EYA3: variants seen among roughly 807,000 people sequenced by gnomAD.
EYA3 encodes EYA transcriptional coactivator and phosphatase 3, also known as protein phosphatase EYA3.
A neutral mutation model predicts 80.0 loss-of-function variants in EYA3; 39 were observed. That is an observed-to-expected ratio of 0.49 (90% CI 0.38 to 0.64). The LOEUF is 0.64. Among genes scored for constraint, EYA3 ranks in the 30% least tolerant of loss-of-function variants. The pLI is 0.00. For synonymous variants in EYA3, 206 were observed against 232.8 expected (o/e 0.88, Z 1.05); for missense variants, 523 against 676.1 (o/e 0.77, Z 2.51).
At chr1:27,974,681 G>A (rs1363572350) in intron 17 of EYA3, 135 bp from the exon 18 acceptor site, 4 of 604,922 alleles carry the variant, frequency 6.6e-6, no homozygotes, top group Non-Finnish European at 1.2e-5. Context: ...TCATAGGGCT[G>A]TTATAATGAT....
At chr1:28,087,575 C>G (rs1645703127) in intron 1 of EYA3, among the ~76,000 whole-genome samples, 1 of 152,202 alleles carries the variant, frequency 6.6e-6, no homozygotes, top group African/African-American at 2.4e-5. Flanking sequence ...ATTCATAAAT[C>G]TGGGGCTAAT....
intron 1 of EYA3, among the ~76,000 whole-genome samples, chr1:28,061,591 G>GA (rs1553155322): frequency 1.9e-4 from 27 of 144,946 alleles, no homozygotes; most frequent in African/African-American, 6.6e-4. Context: ...AATTTAACGT[G>GA]TTTTTTTTTT....
At chr1:27,984,993 G>T (rs1639554465) in intron 16 of EYA3, among the ~76,000 whole-genome samples, 1 of 151,976 alleles carries the variant, frequency 6.6e-6, no homozygotes, top group African/African-American at 2.4e-5. Flanking sequence ...TTCCAATTAG[G>T]GTTTAATCCC....
chr1:27,975,769 C>A (rs1479849724), intron 17 of EYA3, among the ~76,000 whole-genome samples: 1 of 151,884 alleles, frequency 6.6e-6, no homozygotes, highest in Non-Finnish European at 1.5e-5. Flanking sequence ...CAGGCGTGAG[C>A]CACCGTGCCC....
rs1638843653 is a variant in EYA3 at position 27,974,499 on chromosome 1, G to T, written c.1689C>A (p.Ser563=). 1.2e-6 allele frequency: 2 copies of T among 1,612,908 alleles called. No homozygotes were observed. The highest frequency in any genetic ancestry group is 2.2e-5 in the South Asian group (2 of 91,056). Residue 563 remains serine, a synonymous_variant, in exon 18 of 18, where the codon TCC becomes TCA. Transcript: ENST00000373871. ...AATCAAGCTCTAAAGCCTGGTGAAG[G>T]GATACTAGGTCTCCATGGTTTGTGA... ...WRITNHGDLV[S]LHQALELDFL
chr1:28,076,226 G>T (rs967177298), intron 1 of EYA3, among the ~76,000 whole-genome samples: 3 of 152,180 alleles, frequency 2.0e-5, no homozygotes, highest in African/African-American at 7.2e-5. Context: ...TAAATTTGGT[G>T]AATTCTTCTG....
chr1:28,003,961 T>C (rs1641084233), intron 11 of EYA3, among the ~76,000 whole-genome samples: 1 of 152,224 alleles, frequency 6.6e-6, no homozygotes, highest in Admixed American at 6.5e-5. Context: ...CTAAATAAAA[T>C]GCTCAATTTG....
chr1:28,027,437 A>G (rs945316018), intron 7 of EYA3, among the ~76,000 whole-genome samples: 11 of 152,334 alleles, frequency 7.2e-5, no homozygotes, highest in African/African-American at 2.4e-4. Flanking sequence ...CAATTCATAC[A>G]GGTCAGCAAA....
At chr1:28,082,037 A>G (rs72658369) in intron 1 of EYA3, among the ~76,000 whole-genome samples, 1 of 152,300 alleles carries the variant, frequency 6.6e-6, no homozygotes, top group Non-Finnish European at 1.5e-5. Flanking sequence ...ATCAACAAGT[A>G]TTATCATCAT....
rs1638795417 is a variant in EYA3, at chr1:27,973,196, T to A, written c.*1270A>T. On this transcript the variant is annotated 3_prime_UTR_variant, in exon 18 of 18. Transcript: ENST00000373871. The stretch of plus-strand genomic sequence containing the variant: ...GGTAAATACATACCTGGGACATCCT[T>A]CATATGGCTTAGGGCTTCCACAAAG... 6.6e-6 allele frequency: 1 copy of A among 152,152 alleles called. No individual in the cohort carries two copies. Among genetic ancestry groups the A allele is most frequent in the Non-Finnish European group, 1.5e-5 (1 of 68,024 alleles). 9.4% of individuals were successfully genotyped at this position (152,152 alleles called of 1,614,324 possible).
chr1:28,059,797 T>C (rs1244325072), intron 1 of EYA3, among the ~76,000 whole-genome samples: 3 of 148,762 alleles, frequency 2.0e-5, no homozygotes, highest in African/African-American at 4.9e-5. Flanking sequence ...CTCGGCTAAC[T>C]GCAACCTCCG....
intron 3 of EYA3, among the ~76,000 whole-genome samples, chr1:28,044,647 G>A (rs879600984): frequency 6.6e-6 from 1 of 152,058 alleles, no homozygotes; most frequent in Non-Finnish European, 1.5e-5. Flanking sequence ...AAAAAGAAAT[G>A]TTGCTTATAT....
At chr1:28,076,295 T>C (rs1049642396) in intron 1 of EYA3, among the ~76,000 whole-genome samples, 1 of 152,196 alleles carries the variant, frequency 6.6e-6, no homozygotes, top group Non-Finnish European at 1.5e-5. Flanking sequence ...GTAGGACTAT[T>C]TATAGTAACT....
intron 8 of EYA3, among the ~76,000 whole-genome samples, chr1:28,016,324 G>C (rs1642062524): frequency 6.6e-6 from 1 of 152,092 alleles, no homozygotes; most frequent in African/African-American, 2.4e-5. Flanking sequence ...TAAGTCAGGA[G>C]TTTGAGACCA....
intron 6 of EYA3, among the ~76,000 whole-genome samples, chr1:28,032,970 T>A (rs553452394): frequency 3.0e-4 from 46 of 152,094 alleles, no homozygotes; most frequent in Non-Finnish European, 6.2e-4. Flanking sequence ...TTCTCCCCTA[T>A]AAAAAGGGAT....
chr1:28,052,926 G>C (rs964410587), intron 2 of EYA3, among the ~76,000 whole-genome samples: 4 of 152,062 alleles, frequency 2.6e-5, no homozygotes, highest in Non-Finnish European at 5.9e-5. Context: ...GGGCAACAGA[G>C]TGAGGATTGC....
chr1:28,071,291 TAA>T (rs1645013759), intron 1 of EYA3, among the ~76,000 whole-genome samples: 1 of 152,170 alleles, frequency 6.6e-6, no homozygotes, highest in Non-Finnish European at 1.5e-5. Flanking sequence ...CTGAAATATA[TAA>T]AAGTCCTCCT....
intron 2 of EYA3, among the ~76,000 whole-genome samples, chr1:28,054,303 A>C (rs1451543894): frequency 1.3e-5 from 2 of 152,236 alleles, no homozygotes; most frequent in Non-Finnish European, 1.5e-5. Context: ...TTTATGGCAG[A>C]GACAACTTCC....
intron 8 of EYA3, among the ~76,000 whole-genome samples, 198 bp downstream of exon 8, chr1:28,016,956 C>T (rs527981864): frequency 3.0e-4 from 46 of 152,282 alleles, no homozygotes; most frequent in Middle Eastern, 3.4e-3. Flanking sequence ...TCTAGAGAGA[C>T]CCAGCAGAGG....
Sources: allele counts gnomAD v4.1 joint callset (sites outside exome capture counted in the v4.1 genomes callset), GRCh38; gene constraint gnomAD v4.1.1; transcripts MANE v1.5; gene names NCBI Gene and HGNC (gene_info 2026-07-23, HGNC 2026-07-21).